The following TRIM16 variants were observed in gnomAD, a reference collection of about 807,000 sequenced individuals.
TRIM16 encodes tripartite motif containing 16.
A neutral mutation model predicts 50.4 loss-of-function variants in TRIM16; 33 were observed. The observed-to-expected ratio is 0.65, with a 90% CI of 0.50 to 0.88. The LOEUF (loss-of-function observed/expected upper bound fraction) is 0.88, where lower values mean the gene tolerates loss of function less well. Ranked by LOEUF, TRIM16 falls within the 40% of genes least tolerant of loss-of-function variation. The probability of loss-of-function intolerance (pLI) is 0.00; values close to 1 mark genes in which losing one functional copy is unlikely to be tolerated. For synonymous variants in TRIM16, 229 were observed against 270.7 expected, an observed-to-expected ratio of 0.85 and a Z score of 1.51; for missense variants, 581 against 686.8, an observed-to-expected ratio of 0.85 and a Z score of 1.72.
intron 6 of TRIM16, among the ~76,000 whole-genome samples, chr17:15,666,867 C>A (rs1209917715): frequency 6.6e-6 from 1 of 152,198 alleles, no homozygotes; most frequent in African/African-American, 2.4e-5. Context: ...ATTATCTTTA[C>A]CCCATCCTTT....
At chr17:15,670,729 T>A (rs556785002) in intron 6 of TRIM16, among the ~76,000 whole-genome samples, 7 of 152,376 alleles carry the variant, frequency 4.6e-5, no homozygotes, top group African/African-American at 1.7e-4. Flanking sequence ...TTATTCTACA[T>A]ACAATTAGGT....
chr17:15,637,115 T>TG (rs570385958), intron 8 of TRIM16, among the ~76,000 whole-genome samples: 17,480 of 66,452 alleles, frequency 0.26, 1,361 homozygotes, highest in Non-Finnish European at 0.36. Context: ...GGGAGGGAGG[T>TG]GGGGGGGGGG....
chr17:15,662,319 T>C (rs1988276276), intron 6 of TRIM16, among the ~76,000 whole-genome samples: 1 of 152,190 alleles, frequency 6.6e-6, no homozygotes. Flanking sequence ...AAAAAGCTAC[T>C]GTGGGGGACC....
At chr17:15,669,864 T>C (rs1304250499) in intron 6 of TRIM16, among the ~76,000 whole-genome samples, 1 of 152,230 alleles carries the variant, frequency 6.6e-6, no homozygotes, top group Non-Finnish European at 1.5e-5. Context: ...TGATTAGCAG[T>C]ATCCCTTGCC....
intron 6 of TRIM16, among the ~76,000 whole-genome samples, chr17:15,676,398 T>C (rs1988944214): frequency 1.3e-5 from 2 of 150,956 alleles, no homozygotes; most frequent in Non-Finnish European, 2.9e-5. Context: ...TCCATTCACC[T>C]ACACATCCAG....
chr17:15,655,641 C>T (rs1002185551), intron 6 of TRIM16, among the ~76,000 whole-genome samples: 15 of 151,756 alleles, frequency 9.9e-5, no homozygotes, highest in African/African-American at 3.6e-4. Context: ...GTGGCATGAT[C>T]TCGGCTCACT....
At position 15,657,234 on chromosome 17, in the gene TRIM16, GTTGT is replaced by G. The variant is rs966701163; in HGVS notation, c.-337-5292_-337-5289del. ...GATCTTGTTATGTTGCCCAGGCTGG[GTTGT>G]TTGTTTGTTTGTCTTTGAGACAGGG... On this transcript the variant is annotated intron_variant, in intron 6 of 11. Transcript: ENST00000649191. 6.6e-5 allele frequency among the ~76,000 whole-genome samples: 10 copies of G among 152,078 alleles called. No homozygotes were observed. In the East Asian group the frequency reaches 9.7e-4, roughly 15 times the overall value.
In TRIM16 at chr17:15,636,175, A is replaced by C. The variant is rs777406073; in HGVS notation, c.710T>G (p.Leu237Ter). 6.2e-5 allele frequency: 99 copies of C among 1,609,498 alleles called. 3 individuals are homozygous for C. The highest frequency in any genetic ancestry group is 8.0e-5 in the Non-Finnish European group (94 of 1,178,826). Residue 237 changes from leucine to a stop codon, truncating the protein, a stop_gained, in exon 9 of 12, where the codon TTA (leucine) becomes TGA (stop). Transcript: ENST00000649191. LOFTEE classifies it high-confidence loss of function. ...RKAQANVMLFLEEKEQAALSQ... is the reference protein window; with the variant it reads ...RKAQANVMLF ...CAGCGCAGCTTGCTCCTTCTCCTCT[A>C]AGAAGAGCATCACATTGGCCTGGGC...
intron 9 of TRIM16, among the ~76,000 whole-genome samples, chr17:15,635,043 T>C (rs1271752310): frequency 6.7e-6 from 1 of 148,928 alleles, no homozygotes; most frequent in Admixed American, 6.6e-5. Flanking sequence ...AAAAGTTAAC[T>C]ATGTTGTACT....
chr17:15,676,727 G>A (rs1052344622), intron 6 of TRIM16, among the ~76,000 whole-genome samples: 2 of 152,144 alleles, frequency 1.3e-5, no homozygotes, highest in East Asian at 1.9e-4. Context: ...GAGCCACTGC[G>A]CCTGGCCGAA....
chr17:15,646,118 G>A lies in TRIM16; in HGVS notation c.520-3302C>T, dbSNP rs533986799. Among the ~76,000 whole-genome samples the A allele has an allele frequency of 3.9e-5, 6 of 152,278 alleles. No individual in the cohort carries two copies. The East Asian group carries it at 9.6e-4, about 24-fold the overall frequency. ...CATAGGGAGGTACCCAGGGAGCATC[G>A]AGAGTGAGGGGCTTCTCTCTGCTAT... On this transcript the variant is annotated intron_variant, in intron 7 of 11. Transcript: ENST00000649191.
At chr17:15,646,824 A>T (rs536028018) in intron 7 of TRIM16, among the ~76,000 whole-genome samples, 1 of 152,324 alleles carries the variant, frequency 6.6e-6, no homozygotes, top group South Asian at 2.1e-4. Context: ...TCAGCTGCTC[A>T]GAATTCACCA....
At chr17:15,665,166 C>T (rs751746493) in intron 6 of TRIM16, among the ~76,000 whole-genome samples, 2 of 151,930 alleles carry the variant, frequency 1.3e-5, no homozygotes, top group African/African-American at 2.4e-5. Context: ...CACTGAAAAC[C>T]AACTTTTCAT....
At chr17:15,644,258 TCA>T (rs1987251486) in intron 7 of TRIM16, among the ~76,000 whole-genome samples, 2 of 152,082 alleles carry the variant, frequency 1.3e-5, no homozygotes, top group Admixed American at 6.5e-5. Flanking sequence ...CGATCTCGAC[TCA>T]CTGCAACCTC....
rs1987730319 is a variant in TRIM16 at position 15,651,930 on chromosome 17, G to T, written c.-321C>A. 3 of 1,273,918 alleles carry T rather than the reference G, an allele frequency of 2.4e-6. No individual in the cohort carries two copies. The highest frequency in any genetic ancestry group is 8.0e-5 in the East Asian group (2 of 25,006). The allele number at this position is 1,273,918 out of a possible 1,614,324, so 78.9% of individuals were successfully genotyped here. A position where few individuals can be genotyped will look rare whatever the true frequency, so the allele number is the denominator to read the frequency against. On this transcript the variant is annotated 5_prime_UTR_variant, in exon 7 of 12. Coordinates refer to ENST00000649191, the MANE Select transcript of TRIM16 (RefSeq NM_001348119.1). Reference sequence around the variant, plus strand: ...CCCCATAGGCTCTGCTGAAGACCACGTGTCTCTGTGCCTGCTCTGGAAAGG... The same window carrying T: ...CCCCATAGGCTCTGCTGAAGACCACTTGTCTCTGTGCCTGCTCTGGAAAGG...
chr17:15,649,646 C>A (rs752223615), intron 7 of TRIM16, among the ~76,000 whole-genome samples: 12 of 152,018 alleles, frequency 7.9e-5, no homozygotes, highest in Non-Finnish European at 1.5e-4. Context: ...TAATAAAATT[C>A]TTGTATATGT....
intron 7 of TRIM16, among the ~76,000 whole-genome samples, chr17:15,648,658 G>A (rs2150916039): frequency 6.6e-6 from 1 of 152,290 alleles, no homozygotes; most frequent in South Asian, 2.1e-4. Context: ...TGGGCTTCCG[G>A]AGCCTTAGTT....
At position 15,628,475 on chromosome 17, in the gene TRIM16, C is replaced by A; in HGVS notation, c.*140G>T. ...CACCATATGGAGCAAAAGAGAGCAG[C>A]TGGAGAATGTTTTCATTCAGAGACC... On this transcript the variant is annotated 3_prime_UTR_variant, in exon 12 of 12. Coordinates refer to ENST00000649191, the MANE Select transcript of TRIM16 (RefSeq NM_001348119.1). 2 of 661,582 alleles carry A rather than the reference C, an allele frequency of 3.0e-6. No homozygotes were observed. Among genetic ancestry groups the A allele is most frequent in the Non-Finnish European group, 5.1e-6 (2 of 393,426 alleles). The allele number at this position is 661,582 out of a possible 1,614,324, so 41.0% of individuals were successfully genotyped here.
chr17:15,660,897 C>CAAAAAAAAAAA, intron 6 of TRIM16, among the ~76,000 whole-genome samples: 1 of 60,142 alleles, frequency 1.7e-5, no homozygotes, highest in Non-Finnish European at 3.4e-5. Context: ...GACTCCATCT[C>CAAAAAAAAAAA]AAAAAAAAAA....
Sources: allele counts gnomAD v4.1 joint callset (sites outside exome capture counted in the v4.1 genomes callset), GRCh38; gene constraint gnomAD v4.1.1; transcripts MANE v1.5; gene names NCBI Gene and HGNC (gene_info 2026-07-23, HGNC 2026-07-21).